The following CNTNAP2 variants were observed in gnomAD, a reference collection of about 807,000 sequenced individuals.
The protein encoded by CNTNAP2 is contactin-associated protein-like 2.
In CNTNAP2, 98 loss-of-function variants were observed where a neutral mutation model predicts 155.2. The ratio of observed to expected loss-of-function variants is 0.63; its 90% CI spans 0.54 to 0.75. The LOEUF is 0.75. Ranked by LOEUF, CNTNAP2 falls within the 30% of genes least tolerant of loss-of-function variation. The pLI, the probability that CNTNAP2 is intolerant of heterozygous loss-of-function variation, is 0.00. For missense variants in CNTNAP2, 1,727 were observed against 1,688.1 expected (o/e 1.02, Z -0.40); for synonymous variants, 651 against 631.2 (o/e 1.03, Z -0.47).
At chr7:147,401,675 A>G (rs1172483569) in intron 10 of CNTNAP2, among the ~76,000 whole-genome samples, 1 of 152,138 alleles carries the variant, frequency 6.6e-6, no homozygotes, top group Non-Finnish European at 1.5e-5. Context: ...TGATTGGATC[A>G]TGGGGGTGGA....
At chr7:146,806,578 G>C (rs913435658) in intron 2 of CNTNAP2, among the ~76,000 whole-genome samples, 1 of 151,904 alleles carries the variant, frequency 6.6e-6, no homozygotes, top group Non-Finnish European at 1.5e-5. Flanking sequence ...TTTACTCTCT[G>C]TTTTCACCTT....
chr7:146,190,599 C>T (rs1177175176), intron 1 of CNTNAP2, among the ~76,000 whole-genome samples: 1 of 152,102 alleles, frequency 6.6e-6, no homozygotes, highest in East Asian at 1.9e-4. Context: ...CTTCGCCTTA[C>T]AATCAGGATT....
At position 146,222,731 on chromosome 7, in the gene CNTNAP2, A is replaced by G. The variant is rs868248074; in HGVS notation, c.97+105758A>G. ...AGTGCAGTGGTGTGATCTCAGCTCA[A>G]TGCAAGCTCTGCCTCCCAGGTTCAT... On this transcript the variant is annotated intron_variant, in intron 1 of 23. Transcript: ENST00000361727. Among the ~76,000 whole-genome samples the G allele has an allele frequency of 3.6e-4, 54 of 151,258 alleles. No homozygotes were observed. The Middle Eastern group carries it at 0.014, about 39-fold the overall frequency.
chr7:146,946,027 C>T (rs542794805), intron 3 of CNTNAP2, among the ~76,000 whole-genome samples: 7 of 152,036 alleles, frequency 4.6e-5, no homozygotes, highest in African/African-American at 1.7e-4. Context: ...GGGTTTTCTA[C>T]CAATAAGTTT....
chr7:146,757,226 G>A (rs1330698409), intron 1 of CNTNAP2, among the ~76,000 whole-genome samples: 1 of 152,062 alleles, frequency 6.6e-6, no homozygotes, highest in South Asian at 2.1e-4. Context: ...AGTTGGCAGC[G>A]TGTCCTAGGC....
At chr7:147,892,204 C>T (rs776142018) in intron 13 of CNTNAP2, among the ~76,000 whole-genome samples, 3 of 152,088 alleles carry the variant, frequency 2.0e-5, no homozygotes, top group African/African-American at 4.8e-5. Flanking sequence ...CACATAAAAG[C>T]GTTTTCTTTA....
intron 13 of CNTNAP2, among the ~76,000 whole-genome samples, chr7:147,660,079 A>G (rs1014278739): frequency 1.3e-5 from 2 of 152,206 alleles, no homozygotes; most frequent in Non-Finnish European, 2.9e-5. Context: ...ATGCATATCT[A>G]TTTAAGAGCT....
intron 9 of CNTNAP2, among the ~76,000 whole-genome samples, chr7:147,343,715 C>CT (rs1001342169): frequency 2.0e-5 from 3 of 152,152 alleles, no homozygotes; most frequent in African/African-American, 7.2e-5. Flanking sequence ...TCGATTCTCC[C>CT]TTTTTTGGCA....
intron 9 of CNTNAP2, among the ~76,000 whole-genome samples, chr7:147,357,900 GT>G (rs1796090536): frequency 6.6e-6 from 1 of 152,028 alleles, no homozygotes; most frequent in South Asian, 2.1e-4. Context: ...CTGTGTAAAT[GT>G]TATTGAGAAT....
chr7:147,094,215 T>A (rs780570364), intron 4 of CNTNAP2, among the ~76,000 whole-genome samples: 2 of 152,156 alleles, frequency 1.3e-5, no homozygotes, highest in South Asian at 2.1e-4. Flanking sequence ...CATTTCTGTC[T>A]GAGACCTCAT....
chr7:146,898,847 T>C (rs1467530771), intron 3 of CNTNAP2, among the ~76,000 whole-genome samples: 1 of 152,056 alleles, frequency 6.6e-6, no homozygotes, highest in Non-Finnish European at 1.5e-5. Flanking sequence ...TCTCTACTTT[T>C]TAACATAATG....
At chr7:147,778,026 C>T (rs12531831) in intron 13 of CNTNAP2, among the ~76,000 whole-genome samples, 2,031 of 152,294 alleles carry the variant, frequency 0.013, 101 homozygotes, top group Admixed American at 0.089. Context: ...GTTTACTCTC[C>T]TATGGAACTT....
chr7:147,001,115 G>A (rs1036136703), intron 3 of CNTNAP2, among the ~76,000 whole-genome samples: 1 of 152,096 alleles, frequency 6.6e-6, no homozygotes, highest in Non-Finnish European at 1.5e-5. Context: ...GGGGTTGGAG[G>A]TTGGGTAACA....
intron 20 of CNTNAP2, among the ~76,000 whole-genome samples, chr7:148,251,902 A>G (rs553014038): frequency 5.9e-5 from 9 of 152,202 alleles, no homozygotes; most frequent in Admixed American, 1.3e-4. Flanking sequence ...GCCATGCTGT[A>G]GCCCCAGTTC....
At chr7:146,903,801 GC>G (rs1337841154) in intron 3 of CNTNAP2, among the ~76,000 whole-genome samples, 4 of 152,106 alleles carry the variant, frequency 2.6e-5, no homozygotes, top group African/African-American at 9.7e-5. Context: ...CTGATCTCTT[GC>G]CCCGCATAGT....
In CNTNAP2 at chr7:146,484,021, G is replaced by T. The variant is rs185267641; in HGVS notation, c.98-290250G>T. 2.6e-5 allele frequency among the ~76,000 whole-genome samples: 4 copies of T among 152,230 alleles called. No homozygotes were observed. The East Asian group carries it at 7.7e-4, about 29-fold the overall frequency. On this transcript the variant is annotated intron_variant, in intron 1 of 23. Transcript: ENST00000361727. ...GTCATGTAAGCTCCGTTCATAGTAA[G>T]TGCACTATACAAGTGTACCATTTCT...
intron 21 of CNTNAP2, among the ~76,000 whole-genome samples, chr7:148,286,502 A>G (rs1483352844): frequency 6.6e-6 from 1 of 152,234 alleles, no homozygotes; most frequent in Non-Finnish European, 1.5e-5. Flanking sequence ...TAAATCATAA[A>G]TTAATTTTGT....
chr7:147,444,525 C>CTT (rs557707358), intron 10 of CNTNAP2, among the ~76,000 whole-genome samples: 22,996 of 131,724 alleles, frequency 0.17, 2,203 homozygotes, highest in African/African-American at 0.26. Flanking sequence ...ATTAAATTTT[C>CTT]TTTTTTTTTT....
intron 14 of CNTNAP2, among the ~76,000 whole-genome samples, chr7:147,956,573 G>C (rs1371465654): frequency 6.6e-6 from 1 of 152,052 alleles, no homozygotes; most frequent in Non-Finnish European, 1.5e-5. Flanking sequence ...TGCCCATATC[G>C]AAGCACATGC....
Sources: gnomAD v4.1 joint callset for allele counts (sites outside exome capture counted in the v4.1 genomes callset) on GRCh38, gnomAD v4.1.1 for gene constraint, MANE v1.5 for transcripts, NCBI Gene and HGNC (gene_info 2026-07-23, HGNC 2026-07-21) for gene names.